The following PTPRN2 variants were observed in gnomAD, a reference collection of about 807,000 sequenced individuals.
PTPRN2 encodes receptor-type tyrosine-protein phosphatase N2.
A neutral mutation model predicts 118.8 loss-of-function variants in PTPRN2; 74 were observed. That is an observed-to-expected ratio of 0.62 (90% CI 0.52 to 0.76). The LOEUF (loss-of-function observed/expected upper bound fraction) is 0.76, where lower values mean the gene tolerates loss of function less well. Ranked by LOEUF, PTPRN2 falls within the 30% of genes least tolerant of loss-of-function variation. The probability of loss-of-function intolerance (pLI) is 0.00; values close to 1 mark genes in which losing one functional copy is unlikely to be tolerated. For missense variants in PTPRN2, 1,481 were observed against 1,394.4 expected, an observed-to-expected ratio of 1.06 and a Z score of -0.99; for synonymous variants, 641 against 608.0, an observed-to-expected ratio of 1.05 and a Z score of -0.80.
Position 157,903,275 on chromosome 7 carries a change from T to C in PTPRN2, c.1724-4538A>G, listed in dbSNP as rs185709084. The stretch of plus-strand genomic sequence containing the variant: ...ACGTAAGAGGGAATGTGAGAGGGAA[T>C]GTGAGAGGGAGGTGGGAGAAAAGGG... On this transcript the variant is annotated intron_variant, in intron 11 of 22. Transcript: ENST00000389418. The surrounding 1 kb of genome is among the most constrained non-coding windows in gnomAD (Gnocchi z 4.2). Among the ~76,000 whole-genome samples the C allele has an allele frequency of 2.0e-5, 3 of 147,378 alleles. No individual in the cohort carries two copies. The highest frequency in any genetic ancestry group is 8.1e-5 in the African/African-American group (3 of 36,948).
rs537175024 is a variant in PTPRN2, at chr7:157,622,023, T to C, written c.2197-514A>G. 4.7e-4 allele frequency among the ~76,000 whole-genome samples: 72 copies of C among 152,224 alleles called. No individual in the cohort carries two copies. The highest frequency in any genetic ancestry group is 1.7e-3 in the Admixed American group (26 of 15,288). On this transcript the variant is annotated intron_variant, in intron 14 of 22. Transcript: ENST00000389418. This position sits in a 1 kb window ranked among gnomAD's most constrained non-coding sequence, Gnocchi z 5.3. ...AAGCAAATATTTTAACCCTTGGCTG[T>C]TTCGATCTTAATTTTTCTGGTGCTT...
chr7:158,540,226 C>T (rs1341171983), intron 1 of PTPRN2, among the ~76,000 whole-genome samples: 1 of 152,194 alleles, frequency 6.6e-6, no homozygotes, highest in Non-Finnish European at 1.5e-5. Context: ...GCCGGGGGCT[C>T]CCAGGAGCCT....
rs1800926373 is a variant in PTPRN2 at position 157,590,585 on chromosome 7, T to C, written c.2496+4653A>G. On this transcript the variant is annotated intron_variant, in intron 17 of 22. Transcript: ENST00000389418. The surrounding 1 kb of genome is among the most constrained non-coding windows in gnomAD (Gnocchi z 4.0). ...CAGTGAGTGGTGACCCTCCGTGGAT[T>C]TTCGTGCACGTTCTGGGCTCTGCTC... Among the ~76,000 whole-genome samples, 1 of 152,212 alleles carries C rather than the reference T, an allele frequency of 6.6e-6. No homozygotes were observed. The highest frequency in any genetic ancestry group is 2.4e-5 in the African/African-American group (1 of 41,458).
At chr7:157,841,994 C>G (rs1808457751) in intron 12 of PTPRN2, among the ~76,000 whole-genome samples, 1 of 152,148 alleles carries the variant, frequency 6.6e-6, no homozygotes, top group African/African-American at 2.4e-5. Context: ...GGATCAACAT[C>G]AAAATTGGAA....
chr7:158,164,989 C>T (rs1196434769), intron 6 of PTPRN2, among the ~76,000 whole-genome samples: 4 of 72,702 alleles, frequency 5.5e-5, no homozygotes, highest in South Asian at 4.3e-4. Flanking sequence ...CCCCTGATAG[C>T]GTCCAGGACC....
At chr7:157,697,655 C>T (rs13312290) in intron 12 of PTPRN2, among the ~76,000 whole-genome samples, 277 of 43,412 alleles carry the variant, frequency 6.4e-3, no homozygotes, top group South Asian at 0.018. Context: ...TACTGGATCT[C>T]GGCAGAGCCC....
At chr7:158,008,048 TGGA>T (rs1805773388) in intron 11 of PTPRN2, among the ~76,000 whole-genome samples, 1 of 142,260 alleles carries the variant, frequency 7.0e-6, no homozygotes, top group Admixed American at 7.0e-5. Flanking sequence ...TGGGTGTGTG[TGGA>T]GGTGTGCTGT....
At chr7:158,142,405 C>A (rs1384420361) in intron 6 of PTPRN2, among the ~76,000 whole-genome samples, 1 of 152,216 alleles carries the variant, frequency 6.6e-6, no homozygotes, top group Non-Finnish European at 1.5e-5. Context: ...CGACCCATGG[C>A]GTGGCCTGCC....
rs562825118 is a variant in PTPRN2 at position 158,259,925 on chromosome 7, G to C, written c.278-54652C>G. On this transcript the variant is annotated intron_variant, in intron 3 of 22. Coordinates refer to ENST00000389418, the MANE Select transcript of PTPRN2 (RefSeq NM_002847.5). ...AGTACACATATGTGCATGTGTTTCT[G>C]TGTCCATGTGTCTCTGGTATACACA... Among the ~76,000 whole-genome samples the C allele has an allele frequency of 1.6e-3, 234 of 144,086 alleles. 6 individuals carry two copies. The highest frequency in any genetic ancestry group is 3.0e-3 in the Non-Finnish European group (202 of 66,434). 94.5% of individuals were successfully genotyped at this position (144,086 alleles called of 152,430 possible).
intron 2 of PTPRN2, among the ~76,000 whole-genome samples, chr7:158,419,100 C>G (rs6459879): frequency 0.44 from 66,339 of 152,072 alleles, 15,046 homozygotes; most frequent in Non-Finnish European, 0.49. Flanking sequence ...GACTCTGACC[C>G]TCTTGCCATC....
chr7:158,316,904 A>G lies in PTPRN2; in HGVS notation c.192T>C (p.Val64=). The G allele has an allele frequency of 1.2e-6, 2 of 1,612,926 alleles. No individual in the cohort carries two copies. Among genetic ancestry groups the G allele is most frequent in the East Asian group, 2.2e-5 (1 of 44,882 alleles). Reference sequence around the variant, plus strand: ...CGTAGCGGTAAAAGTCCATTGCCGGAACCTTCTGGCACCTTCCAAACACTC... The same window carrying G: ...CGTAGCGGTAAAAGTCCATTGCCGGGACCTTCTGGCACCTTCCAAACACTC... ...NDGVFGRCQK[V]PAMDFYRYEV... is the part of the protein sequence containing the mutation. Residue 64 remains valine (V), a synonymous_variant, in exon 3 of 23, where the codon GTT becomes GTC. Transcript: ENST00000389418.
At chr7:157,884,427 C>G (rs1048758011) in intron 12 of PTPRN2, among the ~76,000 whole-genome samples, 1 of 152,236 alleles carries the variant, frequency 6.6e-6, no homozygotes, top group Non-Finnish European at 1.5e-5. Context: ...GAGGACGGCT[C>G]TCGTCACTGG....
intron 2 of PTPRN2, among the ~76,000 whole-genome samples, chr7:158,409,852 G>A (rs1039725221): frequency 6.6e-6 from 1 of 152,226 alleles, no homozygotes; most frequent in Non-Finnish European, 1.5e-5. Context: ...GAGAAGATGT[G>A]TTGACGTCGC....
intron 3 of PTPRN2, among the ~76,000 whole-genome samples, chr7:158,297,362 C>T (rs1453292239): frequency 6.6e-6 from 1 of 152,190 alleles, no homozygotes; most frequent in Non-Finnish European, 1.5e-5. Flanking sequence ...CTGCCAGAAA[C>T]CCTTTGGGAA....
chr7:158,503,862 G>C (rs143578121), intron 1 of PTPRN2, among the ~76,000 whole-genome samples: 1 of 152,074 alleles, frequency 6.6e-6, no homozygotes, highest in Non-Finnish European at 1.5e-5. Flanking sequence ...TTAGCCAGGC[G>C]TGGTGGTGTG....
chr7:157,969,018 C>T (rs1220703027), intron 11 of PTPRN2, among the ~76,000 whole-genome samples: 4 of 152,190 alleles, frequency 2.6e-5, no homozygotes, highest in Non-Finnish European at 4.4e-5. Context: ...AATGTATACT[C>T]GTTGAAATTT....
chr7:158,150,237 G>T (rs1391843646), intron 6 of PTPRN2, among the ~76,000 whole-genome samples: 4 of 152,254 alleles, frequency 2.6e-5, no homozygotes, highest in Non-Finnish European at 5.9e-5. Context: ...CAGAAAAATA[G>T]ATGGATGTAT....
At chr7:157,855,668 G>C (rs1019050530) in intron 12 of PTPRN2, among the ~76,000 whole-genome samples, 2 of 152,352 alleles carry the variant, frequency 1.3e-5, no homozygotes, top group Middle Eastern at 3.4e-3. Flanking sequence ...GGGAGCGTTA[G>C]AGCTGAGGGA....
chr7:157,811,332 T>TTTTATATA (rs1424012856), intron 12 of PTPRN2, among the ~76,000 whole-genome samples: 19 of 131,290 alleles, frequency 1.4e-4, no homozygotes, highest in African/African-American at 5.1e-4. Flanking sequence ...ATCTACTCTA[T>TTTTATATA]TATATATATA....
Sources: gnomAD v4.1 joint callset for allele counts (sites outside exome capture counted in the v4.1 genomes callset) on GRCh38, gnomAD v4.1.1 for gene constraint, Gnocchi (gnomAD v3.1) non-coding constraint, MANE v1.5 for transcripts, NCBI Gene and HGNC (gene_info 2026-07-23, HGNC 2026-07-21) for gene names.